Variants in FAM234B observed in about 807,000 individuals in gnomAD.
FAM234B encodes the protein protein FAM234B.
In FAM234B, 33 loss-of-function variants were observed where a neutral mutation model predicts 69.3. The observed-to-expected ratio is 0.48, with a 90% CI of 0.36 to 0.64. The LOEUF is 0.64. Ranked by LOEUF, FAM234B falls within the 30% of genes least tolerant of loss-of-function variation. The pLI is 0.00. For synonymous variants in FAM234B, 306 were observed against 306.9 expected (o/e 1.00, Z 0.03); for missense variants, 697 against 769.7 (o/e 0.91, Z 1.12).
In FAM234B at chr12:13,048,907, G is replaced by T. The variant is rs553471294; in HGVS notation, c.37+4467G>T. On this transcript the variant is annotated intron_variant, in intron 1 of 12. Coordinates refer to ENST00000197268, the MANE Select transcript of FAM234B (RefSeq NM_020853.2). ...GAGAATGAGAACCAAGCGAAACAGG[G>T]TTCCCCTTGTAAAACCATCAGATCT... Among the ~76,000 whole-genome samples the T allele has an allele frequency of 3.6e-3, 543 of 152,284 alleles. 7 individuals carry two copies. Among genetic ancestry groups the T allele is most frequent in the African/African-American group, 0.013 (529 of 41,544 alleles).
chr12:13,075,433 C>CTTTTTTTTTTT (rs59012504), intron 10 of FAM234B, among the ~76,000 whole-genome samples: 14 of 137,504 alleles, frequency 1.0e-4, no homozygotes, highest in African/African-American at 1.1e-4. Context: ...CTTTTCTTTT[C>CTTTTTTTTTTT]TTTTTTTTTT....
At chr12:13,080,124 C>G in intron 12 of FAM234B, 115 bp downstream of exon 12, 1 of 722,768 alleles carries the variant, frequency 1.4e-6, no homozygotes, top group East Asian at 2.8e-5. Flanking sequence ...AGATGTGTAT[C>G]AAGACAGTTG....
intron 9 of FAM234B, among the ~76,000 whole-genome samples, chr12:13,070,058 C>G (rs1193792690): frequency 6.6e-6 from 1 of 151,712 alleles, no homozygotes; most frequent in Non-Finnish European, 1.5e-5. Flanking sequence ...GGCATATTAC[C>G]TAATCTTGCC....
intron 1 of FAM234B, among the ~76,000 whole-genome samples, chr12:13,053,879 C>A (rs1032252110): frequency 6.6e-6 from 1 of 152,112 alleles, no homozygotes; most frequent in Non-Finnish European, 1.5e-5. Context: ...GTAGACCTCC[C>A]CCCAGGAATG....
chr12:13,062,690 C>G, intron 4 of FAM234B, 155 bp from the exon 5 acceptor site: 1 of 664,454 alleles, frequency 1.5e-6, no homozygotes, highest in Non-Finnish European at 2.5e-6. Context: ...CTTCCTCCTC[C>G]TCAGTAAGAC....
chr12:13,080,476 T>A (rs1307287693), intron 12 of FAM234B, 149 bp from the exon 13 acceptor site: 1 of 632,054 alleles, frequency 1.6e-6, no homozygotes, highest in Non-Finnish European at 2.8e-6. Context: ...TTTCTGGGCC[T>A]TTCTGGAAGG....
rs547224686 is a variant in FAM234B at position 13,077,720 on chromosome 12, C to T, written c.1642+1577C>T. Among the ~76,000 whole-genome samples the T allele has an allele frequency of 5.8e-3, 885 of 151,876 alleles. 10 individuals carry two copies. Among genetic ancestry groups the T allele is most frequent in the African/African-American group, 0.02 (844 of 41,372 alleles). ...AAGTCTTTGCTATTGTGAATAGTGC[C>T]GCAATAAATATACGTGTGCATGTGT... On this transcript the variant is annotated intron_variant, in intron 11 of 12. Coordinates refer to ENST00000197268, the MANE Select transcript of FAM234B (RefSeq NM_020853.2).
Position 13,071,221 on chromosome 12 carries a change from G to C in FAM234B, c.1369-20G>C, listed in dbSNP as rs759537493. The C allele has an allele frequency of 3.1e-5, 50 of 1,613,334 alleles. No homozygotes were observed. The East Asian group carries it at 1.1e-3, about 35-fold the overall frequency. On this transcript the variant is annotated intron_variant, in intron 9 of 12. Coordinates refer to ENST00000197268, the MANE Select transcript of FAM234B (RefSeq NM_020853.2). ...TTTTTGAGGCCTGGCCATGTTTACTGTCTGTCTTCTCTTTTGTAGATGATG... is the reference window on the plus strand; with the variant it reads ...TTTTTGAGGCCTGGCCATGTTTACTCTCTGTCTTCTCTTTTGTAGATGATG...
chr12:13,061,556 C>G lies in FAM234B; in HGVS notation c.533-19C>G. The G allele has an allele frequency of 6.3e-7, 1 of 1,581,262 alleles. No individual in the cohort carries two copies. Among genetic ancestry groups the G allele is most frequent in the Non-Finnish European group, 8.6e-7 (1 of 1,161,138 alleles). On this transcript the variant is annotated intron_variant, in intron 3 of 12. Transcript: ENST00000197268. ...CCTTTGCCTGCTTTCCTTTTTTTAT[C>G]TCTCTTGTGTGCTTTTAGGTGTCTC...
At chr12:13,057,216 G>C (rs1236746642) in intron 2 of FAM234B, among the ~76,000 whole-genome samples, 1 of 152,114 alleles carries the variant, frequency 6.6e-6, no homozygotes, top group Admixed American at 6.5e-5. Flanking sequence ...GACCTCAGGT[G>C]ATCCACCCAC....
chr12:13,083,359 C>T lies in FAM234B; in HGVS notation c.*2729C>T, dbSNP rs1865265518. Reference sequence around the variant, plus strand: ...AATGTGAATTGCTATCCTTATTGCCCTATTAAAGAAGAGCCAGCTGGTATA... The same window carrying T: ...AATGTGAATTGCTATCCTTATTGCCTTATTAAAGAAGAGCCAGCTGGTATA... On this transcript the variant is annotated 3_prime_UTR_variant, in exon 13 of 13. Transcript: ENST00000197268. 6.6e-6 allele frequency: 1 copy of T among 152,368 alleles called. No homozygotes were observed. The highest frequency in any genetic ancestry group is 1.5e-5 in the Non-Finnish European group (1 of 67,994). 9.4% of individuals were successfully genotyped at this position (152,368 alleles called of 1,614,324 possible).
rs772469808 is a variant in FAM234B, at chr12:13,061,594, T to C, written c.552T>C (p.Ala184=). Residue 184 remains alanine, a synonymous_variant, in exon 4 of 13, where the codon GCT becomes GCC. Coordinates refer to ENST00000197268, the MANE Select transcript of FAM234B (RefSeq NM_020853.2). ...GSAVGVSRPA[A]NLVCLSGMNG... is the part of the protein sequence containing the mutation. ...TTTTAGGTGTCTCAAGACCAGCTGC[T>C]AATCTTGTATGCCTTTCGGGGATGA... 8 of 1,613,346 alleles carry C rather than the reference T, an allele frequency of 5.0e-6. No homozygotes were observed. The Admixed American group carries it at 1.2e-4, about 24-fold the overall frequency.
chr12:13,075,438 T>TTC (rs898988138), intron 10 of FAM234B, among the ~76,000 whole-genome samples: 3 of 148,470 alleles, frequency 2.0e-5, no homozygotes, highest in Non-Finnish European at 4.5e-5. Context: ...CTTTTCTTTT[T>TTC]TTTTTTTTTT....
At chr12:13,045,241 T>C (rs1444876451) in intron 1 of FAM234B, among the ~76,000 whole-genome samples, 1 of 150,674 alleles carries the variant, frequency 6.6e-6, no homozygotes, top group Admixed American at 6.6e-5. Context: ...TTTTTCCTCC[T>C]AAACCTCCAG....
rs748560254 is a variant in FAM234B, at chr12:13,079,921, C to T, written c.1775C>T (p.Ala592Val). ...LRWALMEGQM[A>V]QLQESTPKIG... is the part of the protein sequence containing the mutation. ...TGGGCACTAATGGAGGGCCAGATGG[C>T]TCAGCTACAGGAGTCCACCCCCAAA... is the stretch of plus-strand genomic sequence containing the variant. The change falls in exon 12 of 13, where the codon GCT becomes GTT. Residue 592 changes from alanine to valine, a missense_variant. By Grantham distance (64) the Ala-to-Val change is moderately conservative (BLOSUM62 0). Transcript: ENST00000197268. 1 of 1,614,112 alleles carries T rather than the reference C, an allele frequency of 6.2e-7. No individual in the cohort carries two copies. The highest frequency in any genetic ancestry group is 8.5e-7 in the Non-Finnish European group (1 of 1,179,998).
chr12:13,079,746 G>T (rs749662881), intron 11 of FAM234B, 43 bp from the exon 12 acceptor site: 1 of 1,230,190 alleles, frequency 8.1e-7, no homozygotes, highest in South Asian at 1.2e-5. Flanking sequence ...TTAGTGGACG[G>T]TATGTGTCCA....
intron 5 of FAM234B, among the ~76,000 whole-genome samples, chr12:13,064,714 G>A (rs1377337716): frequency 6.6e-6 from 1 of 152,150 alleles, no homozygotes; most frequent in Non-Finnish European, 1.5e-5. Flanking sequence ...AGAGGCACTA[G>A]GTATATAGCG....
Position 13,044,907 on chromosome 12 carries a change from A to G in FAM234B, c.37+467A>G, listed in dbSNP as rs959762961. On this transcript the variant is annotated intron_variant, in intron 1 of 12. Transcript: ENST00000197268. The surrounding 1 kb of genome is among the most constrained non-coding windows in gnomAD (Gnocchi z 5.6). ...GGCAGCAACGACGCATCCATGAGGC[A>G]GGTGGGACAGGTATTTACGTCCCTT... 6.6e-6 allele frequency among the ~76,000 whole-genome samples: 1 copy of G among 152,226 alleles called. No homozygotes were observed. The highest frequency in any genetic ancestry group is 2.4e-5 in the African/African-American group (1 of 41,470).
At chr12:13,051,928 A>C (rs534060313) in intron 1 of FAM234B, among the ~76,000 whole-genome samples, 1 of 152,352 alleles carries the variant, frequency 6.6e-6, no homozygotes, top group Non-Finnish European at 1.5e-5. Flanking sequence ...TCTCATCACA[A>C]TCATATGAGC....
Sources: allele counts gnomAD v4.1 joint callset (sites outside exome capture counted in the v4.1 genomes callset), GRCh38; gene constraint gnomAD v4.1.1; non-coding constraint Gnocchi (gnomAD v3.1); transcripts MANE v1.5; gene names NCBI Gene and HGNC (gene_info 2026-07-23, HGNC 2026-07-21).